The following HLCS variants were observed in gnomAD, a reference collection of about 807,000 sequenced individuals.
The protein encoded by HLCS is holocarboxylase synthetase.
HLCS carries 53 observed loss-of-function variants against 75.0 expected under a neutral mutation model. The ratio of observed to expected loss-of-function variants is 0.71; its 90% CI spans 0.57 to 0.89. The LOEUF (loss-of-function observed/expected upper bound fraction) is 0.89. Among genes scored for constraint, HLCS ranks in the 40% least tolerant of loss-of-function variants. The pLI is 0.00. For synonymous variants in HLCS, 431 were observed against 428.6 expected, an observed-to-expected ratio of 1.01 and a Z score of -0.07; for missense variants, 966 against 1,074.0, an observed-to-expected ratio of 0.90 and a Z score of 1.41.
At chr21:36,917,876 T>C (rs2065998875) in intron 5 of HLCS, among the ~76,000 whole-genome samples, 1 of 150,472 alleles carries the variant, frequency 6.6e-6, no homozygotes, top group Non-Finnish European at 1.5e-5. Context: ...CTGGGGAAGC[T>C]GCAGAAATCC....
intron 5 of HLCS, among the ~76,000 whole-genome samples, chr21:36,904,202 A>T (rs1253811373): frequency 6.6e-6 from 1 of 152,202 alleles, no homozygotes; most frequent in Non-Finnish European, 1.5e-5. Flanking sequence ...CTATTCAAAC[A>T]TACACTTCTC....
intron 6 of HLCS, among the ~76,000 whole-genome samples, chr21:36,769,918 C>A (rs1353739270): frequency 6.6e-6 from 1 of 152,170 alleles, no homozygotes; most frequent in Admixed American, 6.5e-5. Flanking sequence ...CTTCGGGGAT[C>A]TGAACCTAAG....
chr21:36,978,896 G>C (rs11910240), intron 1 of HLCS, among the ~76,000 whole-genome samples: 1 of 152,124 alleles, frequency 6.6e-6, no homozygotes. Context: ...CATGACAACC[G>C]AATTTCTCCT....
At chr21:36,915,208 C>T (rs2146419739) in intron 5 of HLCS, among the ~76,000 whole-genome samples, 1 of 152,252 alleles carries the variant, frequency 6.6e-6, no homozygotes, top group East Asian at 1.9e-4. Context: ...AAGAGGCACT[C>T]CCTGGGCTGA....
At position 36,764,954 on chromosome 21, in the gene HLCS, A is replaced by T. The variant is rs542405614; in HGVS notation, c.2121+58T>A. The T allele has an allele frequency of 2.9e-3, 4,563 of 1,571,820 alleles. 8 individuals carry two copies. Among genetic ancestry groups the T allele is most frequent in the Non-Finnish European group, 3.6e-3 (4,182 of 1,147,678 alleles). Reference sequence around the variant, plus strand: ...TATGCAAGCACATGCTATAAACAAGAATAAGCCAGATTCTGCATGCATCCC... The same window carrying T: ...TATGCAAGCACATGCTATAAACAAGTATAAGCCAGATTCTGCATGCATCCC... On this transcript the variant is annotated intron_variant, in intron 8 of 10. Coordinates refer to ENST00000674895, the MANE Select transcript of HLCS (RefSeq NM_001352514.2).
chr21:36,891,751 C>T (rs2835524), intron 6 of HLCS, among the ~76,000 whole-genome samples: 22,523 of 152,166 alleles, frequency 0.15, 3,615 homozygotes, highest in African/African-American at 0.4. Flanking sequence ...GCTAACTAGT[C>T]TCAAGAAAGT....
At chr21:36,879,301 G>A (rs1481061792) in intron 6 of HLCS, among the ~76,000 whole-genome samples, 8 of 152,092 alleles carry the variant, frequency 5.3e-5, no homozygotes, top group Non-Finnish European at 7.4e-5. Context: ...AGAACTGCTG[G>A]CTCAAAAAGA....
At chr21:36,901,648 C>A (rs537863620) in intron 5 of HLCS, among the ~76,000 whole-genome samples, 1 of 152,298 alleles carries the variant, frequency 6.6e-6, no homozygotes, top group South Asian at 2.1e-4. Context: ...ACACACATCA[C>A]CCCCATCTCT....
chr21:36,927,687 T>C (rs1023846338), intron 5 of HLCS, among the ~76,000 whole-genome samples: 1 of 152,170 alleles, frequency 6.6e-6, no homozygotes, highest in African/African-American at 2.4e-5. Flanking sequence ...ACCAATATAA[T>C]GGAAAACTAT....
intron 7 of HLCS, among the ~76,000 whole-genome samples, chr21:36,765,537 T>A (rs2090001118): frequency 6.6e-6 from 1 of 152,174 alleles, no homozygotes; most frequent in African/African-American, 2.4e-5. Context: ...TACTGATCCA[T>A]GAGAGGTCCT....
chr21:36,801,038 G>A (rs979831681), intron 6 of HLCS, among the ~76,000 whole-genome samples: 34 of 152,296 alleles, frequency 2.2e-4, no homozygotes, highest in African/African-American at 7.2e-4. Context: ...CCTGAATGGA[G>A]ATTGTATTAT....
chr21:36,885,603 C>A (rs959292568), intron 6 of HLCS, among the ~76,000 whole-genome samples: 1 of 151,832 alleles, frequency 6.6e-6, no homozygotes, highest in Non-Finnish European at 1.5e-5. Context: ...CTGAAGGATG[C>A]GTTATAAAGG....
chr21:36,856,653 T>G (rs1357398482), intron 6 of HLCS, among the ~76,000 whole-genome samples: 1 of 147,064 alleles, frequency 6.8e-6, no homozygotes, highest in East Asian at 2.0e-4. Context: ...GGTAACACAG[T>G]CCCCCCAGCA....
intron 5 of HLCS, among the ~76,000 whole-genome samples, chr21:36,900,710 G>A (rs1461166567): frequency 2.0e-5 from 3 of 152,168 alleles, no homozygotes; most frequent in African/African-American, 7.2e-5. Context: ...TGAGACTACT[G>A]CCTGGACCAG....
chr21:36,914,311 C>G (rs1361679577), intron 5 of HLCS, among the ~76,000 whole-genome samples: 1 of 152,148 alleles, frequency 6.6e-6, no homozygotes, highest in African/African-American at 2.4e-5. Flanking sequence ...AGCGATGAGC[C>G]CAAATCGATT....
intron 6 of HLCS, among the ~76,000 whole-genome samples, chr21:36,883,592 C>G (rs1018084921): frequency 3.3e-5 from 5 of 152,182 alleles, no homozygotes; most frequent in African/African-American, 1.2e-4. Context: ...TCATAGATTT[C>G]TTACTGCATC....
intron 5 of HLCS, among the ~76,000 whole-genome samples, chr21:36,899,292 T>TA (rs988796699): frequency 6.6e-6 from 1 of 151,360 alleles, no homozygotes; most frequent in African/African-American, 2.4e-5. Context: ...TAATTAAGAG[T>TA]AAAAAAAAGT....
chr21:36,756,889 T>C (rs1187218268), intron 9 of HLCS, 134 bp from the exon 10 acceptor site: 14 of 1,541,312 alleles, frequency 9.1e-6, no homozygotes, highest in Non-Finnish European at 1.2e-5. Flanking sequence ...TTCGTGTCTC[T>C]AACCACTTGA....
chr21:36,860,076 T>C (rs1478237881), intron 6 of HLCS, among the ~76,000 whole-genome samples: 2 of 152,242 alleles, frequency 1.3e-5, no homozygotes, highest in African/African-American at 4.8e-5. Flanking sequence ...TCCCTGCATG[T>C]GTGCACACAC....
Sources: allele counts gnomAD v4.1 joint callset (sites outside exome capture counted in the v4.1 genomes callset), GRCh38; gene constraint gnomAD v4.1.1; transcripts MANE v1.5; gene names NCBI Gene and HGNC (gene_info 2026-07-23, HGNC 2026-07-21).